Variants in NBEAL1 observed in about 807,000 individuals in gnomAD.
NBEAL1 encodes neurobeachin-like protein 1.
A neutral mutation model predicts 351.3 loss-of-function variants in NBEAL1; 273 were observed. The ratio of observed to expected loss-of-function variants is 0.78; its 90% CI spans 0.70 to 0.86. NBEAL1 has a LOEUF of 0.86. NBEAL1 is among the 40% of genes least tolerant of loss of function. The pLI is 0.00. For synonymous variants in NBEAL1, 1,050 were observed against 1,086.4 expected (o/e 0.97, Z 0.66); for missense variants, 2,961 against 3,201.3 (o/e 0.92, Z 1.81).
rs910832099 is a variant in NBEAL1, at chr2:203,064,867, TTATAAC to T, written c.516-3521_516-3516del. Among the ~76,000 whole-genome samples, 21 of 152,300 alleles carry T rather than the reference TTATAAC, an allele frequency of 1.4e-4. 1 individual carries two copies. The highest frequency in any genetic ancestry group is 5.1e-4 in the African/African-American group (21 of 41,550). ...GTACCAGTGTTAAATTTATTGAAGT[TTATAAC>T]TATACTGTGGTATTATATAAAACTA... is the stretch of plus-strand genomic sequence containing the variant. On this transcript the variant is annotated intron_variant, in intron 6 of 55. Transcript: ENST00000683969.
chr2:203,151,371 T>C (rs2063647380), intron 34 of NBEAL1, 94 bp from the exon 35 acceptor site: 2 of 931,240 alleles, frequency 2.1e-6, no homozygotes, highest in Non-Finnish European at 3.1e-6. Context: ...TAAACAAATG[T>C]AAAATACTTG....
intron 38 of NBEAL1, among the ~76,000 whole-genome samples, chr2:203,167,673 TA>T (rs1665746646): frequency 6.6e-6 from 1 of 152,156 alleles, no homozygotes; most frequent in African/African-American, 2.4e-5. Context: ...GGTTTCAAAT[TA>T]AAAAATAATG....
At position 203,106,443 on chromosome 2, in the gene NBEAL1, T is replaced by A. The variant is rs1235229738; in HGVS notation, c.1270-977T>A. 2.0e-5 allele frequency among the ~76,000 whole-genome samples: 3 copies of A among 152,168 alleles called. No homozygotes were observed. The East Asian group carries it at 5.8e-4, about 29-fold the overall frequency. On this transcript the variant is annotated intron_variant, in intron 12 of 55. Coordinates refer to ENST00000683969, the MANE Select transcript of NBEAL1 (RefSeq NM_001378026.1). Reference sequence around the variant, plus strand: ...GAATAGGCTTTTACAACTTTTACAGTCTGGCTTGTGACTTAATCTCCATCT... The same window carrying A: ...GAATAGGCTTTTACAACTTTTACAGACTGGCTTGTGACTTAATCTCCATCT...
rs1220652870 is a variant in NBEAL1, at chr2:203,213,673, A to C, written c.8070+20A>C. On this transcript the variant is annotated intron_variant, in intron 55 of 55. Coordinates refer to ENST00000683969, the MANE Select transcript of NBEAL1 (RefSeq NM_001378026.1). ...GCTGAGGTAAAACCTAGCATCAGTA[A>C]TTTCATTTCTCATGCTGTTGGGGAT... 6.2e-7 allele frequency: 1 copy of C among 1,613,144 alleles called. No individual in the cohort carries two copies. Among genetic ancestry groups the C allele is most frequent in the East Asian group, 2.2e-5 (1 of 44,812 alleles).
At chr2:203,043,596 G>C (rs993604790) in intron 3 of NBEAL1, among the ~76,000 whole-genome samples, 2 of 152,022 alleles carry the variant, frequency 1.3e-5, no homozygotes, top group Admixed American at 6.6e-5. Context: ...AAAAATGGTG[G>C]TGTGCACCTG....
chr2:203,211,116 A>G lies in NBEAL1; in HGVS notation c.7934+10A>G. 6.5e-7 allele frequency: 1 copy of G among 1,533,764 alleles called. No homozygotes were observed. The highest frequency in any genetic ancestry group is 8.8e-7 in the Non-Finnish European group (1 of 1,140,020). On this transcript the variant is annotated intron_variant, in intron 54 of 55. Coordinates refer to ENST00000683969, the MANE Select transcript of NBEAL1 (RefSeq NM_001378026.1). ...TAAGAGATCTCCACAGGTAAATAAT[A>G]AAAACTAATGAAGTATCACTTAAGA...
intron 30 of NBEAL1, 125 bp from the exon 31 acceptor site, chr2:203,138,495 T>C: frequency 8.9e-7 from 1 of 1,121,270 alleles, no homozygotes; most frequent in Non-Finnish European, 1.3e-6. Context: ...TTTTGGCTTT[T>C]GTCAACTGAA....
rs780526620 is a variant in NBEAL1 at position 203,144,638 on chromosome 2, T to C, written c.4887T>C (p.Leu1629=). The change falls in exon 32 of 56, where the codon CTT becomes CTC. Residue 1629 remains leucine, a synonymous_variant. Transcript: ENST00000683969. ...CATCAGCTAAGCTAAATACCCTTCT[T>C]CAGACCAAAGTGATTGAAAATCAGG... The part of the protein sequence containing the change: ...AMASAKLNTL[L]QTKVIENQDE... 6 of 1,614,068 alleles carry C rather than the reference T, an allele frequency of 3.7e-6. No homozygotes were observed. In the South Asian group the frequency reaches 6.6e-5, roughly 18 times the overall value.
chr2:203,206,828 G>C (rs1362767593), intron 51 of NBEAL1, among the ~76,000 whole-genome samples: 1 of 150,922 alleles, frequency 6.6e-6, no homozygotes, highest in Non-Finnish European at 1.5e-5. Flanking sequence ...TGCAGCCTCT[G>C]CCCGGCCGCC....
chr2:203,070,446 C>T (rs1442304408), intron 7 of NBEAL1, among the ~76,000 whole-genome samples: 1 of 148,308 alleles, frequency 6.7e-6, no homozygotes, highest in East Asian at 2.0e-4. Context: ...TTACTGTAGC[C>T]TTAAACTCCT....
intron 23 of NBEAL1, 83 bp downstream of exon 23, chr2:203,127,009 T>C (rs1222979874): frequency 2.1e-6 from 2 of 939,844 alleles, no homozygotes; most frequent in African/African-American, 1.7e-5. Context: ...GTAGACTTTC[T>C]CTTTACCAGC....
intron 2 of NBEAL1, among the ~76,000 whole-genome samples, chr2:203,029,750 A>G (rs1239888591): frequency 6.6e-6 from 1 of 151,904 alleles, no homozygotes; most frequent in Non-Finnish European, 1.5e-5. Flanking sequence ...AACCTTTCTC[A>G]CTAGGAATTG....
chr2:203,187,452 A>G (rs1186380039), intron 44 of NBEAL1, among the ~76,000 whole-genome samples: 2 of 127,654 alleles, frequency 1.6e-5, no homozygotes, highest in African/African-American at 3.0e-5. Flanking sequence ...CAAATAGTTC[A>G]CTTTTGGCTG....
At chr2:203,048,196 A>G (rs980173538) in intron 3 of NBEAL1, among the ~76,000 whole-genome samples, 1 of 152,004 alleles carries the variant, frequency 6.6e-6, no homozygotes, top group African/African-American at 2.4e-5. Context: ...ATCCTGGCCA[A>G]CATGGTGAAA....
chr2:203,018,556 C>T (rs1040683047), intron 2 of NBEAL1, among the ~76,000 whole-genome samples: 7 of 152,012 alleles, frequency 4.6e-5, no homozygotes, highest in Non-Finnish European at 8.8e-5. Flanking sequence ...TTTGTTTTTA[C>T]CTCTGAGGGA....
At chr2:203,138,047 A>ATAG (rs2063265136) in intron 29 of NBEAL1, 115 bp from the exon 30 acceptor site, 1 of 912,506 alleles carries the variant, frequency 1.1e-6, no homozygotes, top group Admixed American at 2.8e-5. Context: ...CCTGCTAGAG[A>ATAG]TAGTATATCT....
In NBEAL1 at chr2:203,184,417, C is replaced by T. The variant is rs141284516; in HGVS notation, c.6705+1029C>T. On this transcript the variant is annotated intron_variant, in intron 44 of 55. Transcript: ENST00000683969. ...CTGCACTCCAGCCTGGGAGACAGAG[C>T]GAGAAGCCATCTCAAAAATAAATAA... is the stretch of plus-strand genomic sequence containing the variant. Among the ~76,000 whole-genome samples, 8 of 152,062 alleles carry T rather than the reference C, an allele frequency of 5.3e-5. No homozygotes were observed. The East Asian group carries it at 1.4e-3, about 26-fold the overall frequency.
chr2:203,122,012 C>T (rs1010128382), intron 18 of NBEAL1, among the ~76,000 whole-genome samples: 20 of 152,078 alleles, frequency 1.3e-4, no homozygotes, highest in Admixed American at 1.2e-3. Context: ...TTTCGAACTC[C>T]TAACCTCAGG....
At chr2:203,206,991 C>G (rs528142077) in intron 51 of NBEAL1, among the ~76,000 whole-genome samples, 2 of 151,582 alleles carry the variant, frequency 1.3e-5, no homozygotes, top group South Asian at 2.1e-4. Flanking sequence ...TCTTCCCGGC[C>G]GCCATCCCAT....
Sources: gnomAD v4.1 joint callset for allele counts (sites outside exome capture counted in the v4.1 genomes callset) on GRCh38, gnomAD v4.1.1 for gene constraint, MANE v1.5 for transcripts, NCBI Gene and HGNC (gene_info 2026-07-23, HGNC 2026-07-21) for gene names.